ARMH1: variants seen among roughly 807,000 people sequenced by gnomAD.
ARMH1 encodes armadillo like helical domain containing 1.
In ARMH1, 34 loss-of-function variants were observed where a neutral mutation model predicts 50.2. That is an observed-to-expected ratio of 0.68 (90% confidence interval 0.51 to 0.90). The LOEUF (loss-of-function observed/expected upper bound fraction) is 0.90, where lower values mean the gene tolerates loss of function less well. ARMH1 is among the 40% of genes least tolerant of loss of function. The pLI is 0.00. For synonymous variants in ARMH1, 221 were observed against 224.2 expected (o/e 0.99, Z 0.13); for missense variants, 538 against 553.9 (o/e 0.97, Z 0.29).
intron 1 of ARMH1, among the ~76,000 whole-genome samples, chr1:44,677,746 G>A (rs1411445879): frequency 6.6e-6 from 1 of 152,146 alleles, no homozygotes; most frequent in African/African-American, 2.4e-5. Context: ...CCGTGAGCTA[G>A]GTACCAGTCT....
At position 44,725,377 on chromosome 1, in the gene ARMH1, G is replaced by C; in HGVS notation, c.1297G>C (p.Glu433Gln). 2 of 1,551,766 alleles carry C rather than the reference G, an allele frequency of 1.3e-6. No individual in the cohort carries two copies. The highest frequency in any genetic ancestry group is 2.4e-5 in the South Asian group (2 of 84,060). ...SAQMAYLTHF[E>Q]EDVESKE ...TCAGATGGCCTACCTCACACACTTCGAGGAGGATGTAGAATCAAAGGAGTA... is the reference window on the plus strand; with the variant it reads ...TCAGATGGCCTACCTCACACACTTCCAGGAGGATGTAGAATCAAAGGAGTA... The change falls in exon 12 of 12, where the codon GAG becomes CAG. Residue 433 changes from glutamate to glutamine, a missense_variant. By Grantham distance (29) the Glu-to-Gln change is conservative. Coordinates refer to ENST00000535358, the MANE Select transcript of ARMH1 (RefSeq NM_001145636.2).
chr1:44,724,890 A>T lies in ARMH1; in HGVS notation c.1128+51A>T. The stretch of plus-strand genomic sequence containing the variant: ...GCAATGAGCAGATGGCGGCTCGGAC[A>T]GTGTGATGCCCCTTCAGACAGTCCC... On this transcript the variant is annotated intron_variant, in intron 10 of 11. Transcript: ENST00000535358. This position sits in a 1 kb window ranked among gnomAD's most constrained non-coding sequence, Gnocchi z 6.4. 1 of 1,528,428 alleles carries T rather than the reference A, an allele frequency of 6.5e-7. No individual in the cohort carries two copies. 94.7% of individuals were successfully genotyped at this position (1,528,428 alleles called of 1,614,324 possible). A position where few individuals can be genotyped will look rare whatever the true frequency, so the allele number is the denominator to read the frequency against.
At chr1:44,707,353 G>C (rs1461645313) in intron 6 of ARMH1, among the ~76,000 whole-genome samples, 1 of 152,208 alleles carries the variant, frequency 6.6e-6, no homozygotes, top group African/African-American at 2.4e-5. Context: ...ACTCCAGGGA[G>C]GGACTGGGTC....
chr1:44,685,692 A>G (rs1256886483), intron 1 of ARMH1, among the ~76,000 whole-genome samples: 1 of 151,588 alleles, frequency 6.6e-6, no homozygotes, highest in Non-Finnish European at 1.5e-5. Context: ...CAGTGGCACA[A>G]TCTCGGCTCA....
chr1:44,724,185 T>C lies in ARMH1; in HGVS notation c.788T>C (p.Val263Ala). The C allele has an allele frequency of 6.4e-7, 1 of 1,551,664 alleles. No individual in the cohort carries two copies. ...DVRQALLKGL[V>A]ALLIPSVKEI... ...CGCCAGGCGCTGCTCAAGGGCCTCG[T>C]GGCGCTGCTGATACCGTCGGTCAAG... The change falls in exon 7 of 12, where the codon GTG becomes GCG. Residue 263 changes from valine (V) to alanine (A), a missense_variant. Coordinates refer to ENST00000535358, the MANE Select transcript of ARMH1 (RefSeq NM_001145636.2). The surrounding 1 kb of genome is among the most constrained non-coding windows in gnomAD (Gnocchi z 6.4).
chr1:44,685,583 T>C (rs2148588270), intron 1 of ARMH1, among the ~76,000 whole-genome samples: 1 of 151,858 alleles, frequency 6.6e-6, no homozygotes, highest in African/African-American at 2.4e-5. Flanking sequence ...CATACTGGGA[T>C]TATAGGCATG....
chr1:44,721,860 A>C, intron 6 of ARMH1: 1 of 152,312 alleles, frequency 6.6e-6, no homozygotes, highest in East Asian at 1.9e-4. Context: ...AATCTTTAGT[A>C]AAAGGCGAAA....
chr1:44,711,370 A>T (rs1646605402), intron 6 of ARMH1, among the ~76,000 whole-genome samples: 1 of 152,148 alleles, frequency 6.6e-6, no homozygotes, highest in Non-Finnish European at 1.5e-5. Context: ...TATTCTGGGG[A>T]TTCTTTAATT....
chr1:44,725,046 C>T, intron 10 of ARMH1, 90 bp from the exon 11 acceptor site: 3 of 1,537,260 alleles, frequency 2.0e-6, no homozygotes, highest in East Asian at 2.5e-5. Flanking sequence ...GCCGACCCGC[C>T]CCCCACCTGC....
At chr1:44,710,491 C>T (rs56283556) in intron 6 of ARMH1, among the ~76,000 whole-genome samples, 1 of 151,442 alleles carries the variant, frequency 6.6e-6, no homozygotes, top group East Asian at 2.0e-4. Flanking sequence ...CGCCTGTAGT[C>T]TCAGCTACTC....
intron 2 of ARMH1, among the ~76,000 whole-genome samples, chr1:44,691,054 G>C (rs945709293): frequency 2.7e-5 from 4 of 147,692 alleles, no homozygotes; most frequent in African/African-American, 1.0e-4. Flanking sequence ...GAGGTCAGGA[G>C]TTTGAGACAG....
At chr1:44,721,680 G>C (rs149758600) in intron 6 of ARMH1, 6 of 151,922 alleles carry the variant, frequency 3.9e-5, no homozygotes, top group African/African-American at 1.5e-4. Context: ...AGTGAGCCGC[G>C]ACCACACCAC....
intron 6 of ARMH1, among the ~76,000 whole-genome samples, chr1:44,721,486 C>G (rs1377790272): frequency 6.6e-6 from 1 of 151,824 alleles, no homozygotes. Flanking sequence ...TTATTAGATA[C>G]AGACTGTCAA....
intron 2 of ARMH1, among the ~76,000 whole-genome samples, chr1:44,694,850 T>C (rs1177793479): frequency 2.0e-5 from 3 of 152,162 alleles, no homozygotes; most frequent in African/African-American, 7.2e-5. Flanking sequence ...CACTGAGATA[T>C]ATACTGTACA....
chr1:44,715,105 A>G (rs946705460), intron 6 of ARMH1, among the ~76,000 whole-genome samples: 2 of 152,186 alleles, frequency 1.3e-5, no homozygotes, highest in African/African-American at 4.8e-5. Context: ...CCCTGCTGGA[A>G]AAGGAAGCAA....
chr1:44,699,377 A>T (rs1362758785), intron 4 of ARMH1, among the ~76,000 whole-genome samples: 1 of 152,190 alleles, frequency 6.6e-6, no homozygotes, highest in Non-Finnish European at 1.5e-5. Context: ...TGCTAGGGAT[A>T]CAAAAATGAA....
At position 44,724,421 on chromosome 1, in the gene ARMH1, G is replaced by A. The variant is rs1135319; in HGVS notation, c.920+29G>A. On this transcript the variant is annotated intron_variant, in intron 8 of 11. Coordinates refer to ENST00000535358, the MANE Select transcript of ARMH1 (RefSeq NM_001145636.2). This position sits in a 1 kb window ranked among gnomAD's most constrained non-coding sequence, Gnocchi z 6.4. ...AGCGGGCAGGGGTTAGTGGGTAGCT[G>A]CAGCAAGCCTGGCTTGGCGCTGCCG... 0.013 allele frequency: 20,306 copies of A among 1,544,994 alleles called. 793 individuals are homozygous for A. In the African/African-American group the frequency reaches 0.14, roughly 11 times the overall value.
intron 5 of ARMH1, among the ~76,000 whole-genome samples, chr1:44,702,578 G>A (rs906319297): frequency 7.2e-5 from 11 of 151,856 alleles, no homozygotes; most frequent in African/African-American, 2.7e-4. Flanking sequence ...TGGGCGTGGT[G>A]GTGTGTGCCT....
Position 44,681,639 on chromosome 1 carries a change from T to C in ARMH1, c.-23+6766T>C, listed in dbSNP as rs562963573. ...TGGATGGAGGCAGAGCTCTGGTAGA[T>C]GGCTAGAGAAGGAGAGGAGAAGGAT... On this transcript the variant is annotated intron_variant, in intron 1 of 11. Transcript: ENST00000535358. This position sits in a 1 kb window ranked among gnomAD's most constrained non-coding sequence, Gnocchi z 4.3. Among the ~76,000 whole-genome samples the C allele has an allele frequency of 1.3e-5, 2 of 152,010 alleles. No homozygotes were observed. Among genetic ancestry groups the C allele is most frequent in the South Asian group, 2.1e-4 (1 of 4,810 alleles).
Sources: allele counts gnomAD v4.1 joint callset (sites outside exome capture counted in the v4.1 genomes callset), GRCh38; gene constraint gnomAD v4.1.1; non-coding constraint Gnocchi (gnomAD v3.1); transcripts MANE v1.5; gene names NCBI Gene and HGNC (gene_info 2026-07-23, HGNC 2026-07-21).